The following EML4 variants were observed in gnomAD, a reference collection of about 807,000 sequenced individuals.
EML4 encodes EMAP like 4.
In EML4, 72 loss-of-function variants were observed where a neutral mutation model predicts 129.0. The ratio of observed to expected loss-of-function variants is 0.56; its 90% CI spans 0.46 to 0.68. The LOEUF (loss-of-function observed/expected upper bound fraction) is 0.68, where lower values mean the gene tolerates loss of function less well. EML4 is among the 30% of genes least tolerant of loss of function. The probability of loss-of-function intolerance (pLI) is 0.00; values close to 1 mark genes in which losing one functional copy is unlikely to be tolerated. For synonymous variants in EML4, 532 were observed against 405.0 expected (o/e 1.31, Z -3.77); for missense variants, 1,363 against 1,190.6 (o/e 1.14, Z -2.13).
intron 9 of EML4, chr2:42,285,889 G>A (rs191809090): frequency 2.3e-5 from 5 of 219,064 alleles, no homozygotes; most frequent in Non-Finnish European, 3.7e-5. Flanking sequence ...GTGGGCCCCC[G>A]TGCCTGGCCG....
chr2:42,330,147 C>G lies in EML4; in HGVS notation c.2886C>G (p.Ser962Arg), dbSNP rs759626538. Residue 962 changes from serine to arginine, a missense_variant, in exon 23 of 23, where the codon AGC becomes AGG. By Grantham distance (110) the Ser-to-Arg change is moderately radical. Coordinates refer to ENST00000318522, the MANE Select transcript of EML4 (RefSeq NM_019063.5). Reference sequence around the variant, plus strand: ...ATGAAGAGCCATGCAACGAGATAAGCAAGGAGCAGGCCAAAGCCACCCTTC... The same window carrying G: ...ATGAAGAGCCATGCAACGAGATAAGGAAGGAGCAGGCCAAAGCCACCCTTC... ...PLYEEPCNEI[S>R]KEQAKATLLE... 16 of 1,612,002 alleles carry G rather than the reference C, an allele frequency of 9.9e-6. No individual in the cohort carries two copies. Among genetic ancestry groups the G allele is most frequent in the Non-Finnish European group, 1.4e-5 (16 of 1,179,690 alleles).
intron 6 of EML4, among the ~76,000 whole-genome samples, chr2:42,277,417 CTT>C (rs1666716146): frequency 6.6e-6 from 1 of 152,174 alleles, no homozygotes; most frequent in African/African-American, 2.4e-5. Flanking sequence ...AGAGCCCACT[CTT>C]AGATTCAGAA....
At chr2:42,301,121 A>G (rs2103712076) in intron 13 of EML4, 120 bp from the exon 14 acceptor site, 1 of 789,496 alleles carries the variant, frequency 1.3e-6, no homozygotes, top group Non-Finnish European at 2.0e-6. Context: ...TAGGTTTTTG[A>G]TTGAGTCATA....
intron 1 of EML4, chr2:42,170,347 G>A (rs1459073223): frequency 6.6e-6 from 1 of 152,264 alleles, no homozygotes; most frequent in Non-Finnish European, 1.5e-5. Context: ...GAAAGCAGAA[G>A]TGTTTTCTGG....
intron 6 of EML4, among the ~76,000 whole-genome samples, chr2:42,278,637 A>G (rs1666799991): frequency 1.3e-5 from 2 of 151,714 alleles, no homozygotes; most frequent in African/African-American, 4.8e-5. Context: ...TCTTTTGTAA[A>G]AGATGTGTAA....
chr2:42,274,525 T>A (rs190349225), intron 6 of EML4, among the ~76,000 whole-genome samples: 195 of 152,308 alleles, frequency 1.3e-3, no homozygotes, highest in Non-Finnish European at 2.1e-3. Flanking sequence ...GAATGGAGTA[T>A]GCCCAGAGCC....
intron 6 of EML4, among the ~76,000 whole-genome samples, chr2:42,278,026 A>G (rs753976519): frequency 1.8e-4 from 27 of 152,324 alleles, no homozygotes; most frequent in South Asian, 8.3e-4. Context: ...CTAAGGTTGT[A>G]TCAGCCTCTG....
chr2:42,301,716 C>T (rs1254073308), intron 14 of EML4, among the ~76,000 whole-genome samples: 2 of 151,018 alleles, frequency 1.3e-5, no homozygotes, highest in African/African-American at 2.4e-5. Flanking sequence ...TTTTTTTCTA[C>T]GTGTAGCATT....
At chr2:42,180,762 A>G (rs1485769903) in intron 1 of EML4, among the ~76,000 whole-genome samples, 2 of 152,244 alleles carry the variant, frequency 1.3e-5, no homozygotes, top group Non-Finnish European at 2.9e-5. Flanking sequence ...TCTCAGACCC[A>G]TTCTAGTTTC....
chr2:42,298,972 A>G (rs921986388), intron 13 of EML4, among the ~76,000 whole-genome samples: 1 of 152,244 alleles, frequency 6.6e-6, no homozygotes, highest in African/African-American at 2.4e-5. Flanking sequence ...TAGTACTCTC[A>G]GAAAATTCTC....
intron 19 of EML4, 178 bp from the exon 20 acceptor site, chr2:42,325,289 A>T: frequency 1.6e-6 from 1 of 632,756 alleles, no homozygotes; most frequent in Non-Finnish European, 3.0e-6. Context: ...AGTTTCTCCC[A>T]GGTTTCAAGT....
intron 12 of EML4, 46 bp downstream of exon 12, chr2:42,295,305 AT>A (rs762423423): frequency 8.1e-6 from 13 of 1,595,590 alleles, no homozygotes; most frequent in Non-Finnish European, 1.0e-5. Context: ...TAAGACTTTA[AT>A]TTTTTTAATT....
chr2:42,290,830 C>A (rs904955071), intron 11 of EML4, among the ~76,000 whole-genome samples: 10 of 152,088 alleles, frequency 6.6e-5, no homozygotes, highest in African/African-American at 1.9e-4. Context: ...GTTACATAAT[C>A]ATGGATAGGA....
At chr2:42,271,265 T>C (rs573736808) in intron 6 of EML4, among the ~76,000 whole-genome samples, 112 of 152,344 alleles carry the variant, frequency 7.4e-4, no homozygotes, top group African/African-American at 2.4e-3. Context: ...CATCTGGGCT[T>C]TGTCCAAGTA....
At chr2:42,232,570 A>G (rs1303248538) in intron 1 of EML4, among the ~76,000 whole-genome samples, 4 of 152,144 alleles carry the variant, frequency 2.6e-5, no homozygotes, top group African/African-American at 9.7e-5. Context: ...ATATTCCCCA[A>G]CCCACCTCAC....
Position 42,330,576 on chromosome 2 carries a change from T to C in EML4, c.*369T>C. 2.4e-6 allele frequency: 1 copy of C among 420,460 alleles called. No individual in the cohort carries two copies. Among genetic ancestry groups the C allele is most frequent in the Non-Finnish European group, 4.5e-6 (1 of 223,552 alleles). 26.0% of individuals were successfully genotyped at this position (420,460 alleles called of 1,614,324 possible). A position where few individuals can be genotyped will look rare whatever the true frequency, so the allele number is the denominator to read the frequency against. Reference sequence around the variant, plus strand: ...TGTTTTCTTCAGGAACAACCAGAGGTATCACAAACACTGTTACTCATCTAC... The same window carrying C: ...TGTTTTCTTCAGGAACAACCAGAGGCATCACAAACACTGTTACTCATCTAC... On this transcript the variant is annotated 3_prime_UTR_variant, in exon 23 of 23. Transcript: ENST00000318522.
intron 17 of EML4, among the ~76,000 whole-genome samples, chr2:42,315,081 T>G (rs1026818008): frequency 6.6e-6 from 1 of 152,222 alleles, no homozygotes; most frequent in Non-Finnish European, 1.5e-5. Context: ...ATGAATGGCT[T>G]GCTACTGTTC....
At chr2:42,219,194 G>C (rs775217422) in intron 1 of EML4, among the ~76,000 whole-genome samples, 40 of 152,166 alleles carry the variant, frequency 2.6e-4, no homozygotes, top group Admixed American at 6.5e-4. Flanking sequence ...CCTTCATAAG[G>C]AAATACAGTT....
intron 3 of EML4, among the ~76,000 whole-genome samples, chr2:42,257,271 T>G (rs887038059): frequency 2.0e-5 from 3 of 152,144 alleles, no homozygotes; most frequent in Admixed American, 2.0e-4. Context: ...TTTTCCCCCT[T>G]TTGTAATTTC....
Sources: gnomAD v4.1 joint callset for allele counts (sites outside exome capture counted in the v4.1 genomes callset) on GRCh38, gnomAD v4.1.1 for gene constraint, MANE v1.5 for transcripts, NCBI Gene and HGNC (gene_info 2026-07-23, HGNC 2026-07-21) for gene names.